Variants in NKAIN2 observed in about 807,000 individuals in gnomAD.
NKAIN2 encodes sodium/potassium transporting ATPase interacting 2, also known as sodium/potassium-transporting ATPase subunit beta-1-interacting protein 2.
In NKAIN2, 14 loss-of-function variants were observed where a neutral mutation model predicts 32.6. That is an observed-to-expected ratio of 0.43 (90% confidence interval 0.28 to 0.67). The LOEUF is 0.67. Ranked by LOEUF, NKAIN2 falls within the 30% of genes least tolerant of loss-of-function variation. The probability of loss-of-function intolerance (pLI) is 0.17; values close to 1 mark genes in which losing one functional copy is unlikely to be tolerated. For missense variants in NKAIN2, 198 were observed against 258.3 expected (o/e 0.77, Z 1.60); for synonymous variants, 80 against 87.2 (o/e 0.92, Z 0.46).
rs191070160 is a variant in NKAIN2 at position 124,137,413 on chromosome 6, T to G, written c.55-145592T>G. Among the ~76,000 whole-genome samples the G allele has an allele frequency of 1.6e-3, 248 of 152,214 alleles. 3 individuals are homozygous for G. Among genetic ancestry groups the G allele is most frequent in the South Asian group, 4.8e-3 (23 of 4,818 alleles). On this transcript the variant is annotated intron_variant, in intron 1 of 6. Transcript: ENST00000368417. ...TGATCATGGACAGGTAGAATCAATA[T>G]TGTGACAATGACCATGCTGCCAAAA...
At chr6:123,976,563 G>A (rs1235980411) in intron 1 of NKAIN2, among the ~76,000 whole-genome samples, 1 of 150,990 alleles carries the variant, frequency 6.6e-6, no homozygotes, top group African/African-American at 2.4e-5. Flanking sequence ...GATTTGGAAG[G>A]CCAGCATTTT....
chr6:124,558,605 G>A (rs1780565367), intron 3 of NKAIN2, among the ~76,000 whole-genome samples: 1 of 152,016 alleles, frequency 6.6e-6, no homozygotes, highest in Non-Finnish European at 1.5e-5. Flanking sequence ...GATGCCCTAA[G>A]AGTTGGTGGG....
intron 1 of NKAIN2, among the ~76,000 whole-genome samples, chr6:124,204,903 T>A (rs1217330071): frequency 1.3e-5 from 2 of 151,506 alleles, no homozygotes; most frequent in African/African-American, 4.8e-5. Context: ...CTTTAGGAAA[T>A]AATATTAAAG....
chr6:123,925,227 A>G (rs1445962888), intron 1 of NKAIN2, among the ~76,000 whole-genome samples: 1 of 152,182 alleles, frequency 6.6e-6, no homozygotes, highest in Non-Finnish European at 1.5e-5. Context: ...AAGAAGTAAA[A>G]TAGCTTGTGT....
chr6:123,999,085 A>T (rs1249114449), intron 1 of NKAIN2, among the ~76,000 whole-genome samples: 2 of 152,090 alleles, frequency 1.3e-5, no homozygotes, highest in Non-Finnish European at 2.9e-5. Flanking sequence ...ATTTACATGC[A>T]TAGAAATGAA....
At chr6:124,483,639 T>G (rs547615386) in intron 3 of NKAIN2, among the ~76,000 whole-genome samples, 98 of 152,262 alleles carry the variant, frequency 6.4e-4, no homozygotes, top group Non-Finnish European at 1.3e-3. Flanking sequence ...GATAAACTAT[T>G]AATACAAATA....
At chr6:123,989,640 A>G (rs986722274) in intron 1 of NKAIN2, among the ~76,000 whole-genome samples, 1 of 152,108 alleles carries the variant, frequency 6.6e-6, no homozygotes, top group Non-Finnish European at 1.5e-5. Context: ...TGCTTTGATA[A>G]TTATGCTCTT....
intron 1 of NKAIN2, among the ~76,000 whole-genome samples, chr6:123,926,240 G>T (rs978848294): frequency 6.6e-6 from 1 of 152,258 alleles, no homozygotes; most frequent in South Asian, 2.1e-4. Flanking sequence ...TTCTTCTCAG[G>T]TATGCTAATG....
intron 4 of NKAIN2, among the ~76,000 whole-genome samples, chr6:124,707,159 A>T (rs1449313618): frequency 6.6e-6 from 1 of 152,098 alleles, no homozygotes; most frequent in East Asian, 1.9e-4. Flanking sequence ...GTCCCTACAA[A>T]GGACATGAAC....
chr6:124,358,758 C>A (rs1397257576), intron 3 of NKAIN2, among the ~76,000 whole-genome samples: 1 of 151,564 alleles, frequency 6.6e-6, no homozygotes, highest in African/African-American at 2.4e-5. Context: ...TTTTGCTGTG[C>A]AGAAGCTCTT....
chr6:124,316,027 A>C (rs148979369), intron 2 of NKAIN2, among the ~76,000 whole-genome samples: 1 of 152,102 alleles, frequency 6.6e-6, no homozygotes, highest in African/African-American at 2.4e-5. Flanking sequence ...GTTCATGAGT[A>C]AAAAATACAA....
At chr6:124,549,726 T>C (rs1780221279) in intron 3 of NKAIN2, among the ~76,000 whole-genome samples, 2 of 152,206 alleles carry the variant, frequency 1.3e-5, no homozygotes, top group Admixed American at 6.5e-5. Flanking sequence ...TCAGTTATTT[T>C]GCAGAATGCT....
At chr6:123,805,079 A>G (rs769971940) in intron 1 of NKAIN2, among the ~76,000 whole-genome samples, 9 of 152,220 alleles carry the variant, frequency 5.9e-5, no homozygotes, top group Non-Finnish European at 1.2e-4. Context: ...CTGAATTTCA[A>G]TTCCCTAAGG....
intron 1 of NKAIN2, among the ~76,000 whole-genome samples, chr6:124,254,246 C>T (rs1453414722): frequency 6.6e-6 from 1 of 152,186 alleles, no homozygotes; most frequent in Non-Finnish European, 1.5e-5. Flanking sequence ...GCCACCATGC[C>T]TGGCCTAAGT....
At chr6:124,131,798 A>C (rs1786492243) in intron 1 of NKAIN2, among the ~76,000 whole-genome samples, 1 of 152,050 alleles carries the variant, frequency 6.6e-6, no homozygotes, top group Admixed American at 6.6e-5. Context: ...AGGCAACCAG[A>C]GGAATTAGGG....
intron 2 of NKAIN2, among the ~76,000 whole-genome samples, chr6:124,341,259 AACTC>A (rs1273530718): frequency 4.6e-5 from 7 of 152,200 alleles, no homozygotes; most frequent in African/African-American, 9.6e-5. Flanking sequence ...GTAGTTGAAT[AACTC>A]ACAGTAAATG....
intron 1 of NKAIN2, among the ~76,000 whole-genome samples, chr6:124,127,973 A>G (rs569299478): frequency 6.6e-6 from 1 of 152,166 alleles, no homozygotes; most frequent in African/African-American, 2.4e-5. Flanking sequence ...ATTATAGGCA[A>G]GTGCCACCAT....
intron 2 of NKAIN2, among the ~76,000 whole-genome samples, chr6:124,313,987 G>A (rs757319641): frequency 2.6e-4 from 39 of 152,008 alleles, no homozygotes; most frequent in African/African-American, 2.2e-4. Flanking sequence ...TGACATTCCC[G>A]GGGGTAGAAG....
At chr6:124,119,598 C>T (rs1009780) in intron 1 of NKAIN2, among the ~76,000 whole-genome samples, 23,639 of 152,180 alleles carry the variant, frequency 0.16, 2,364 homozygotes, top group Middle Eastern at 0.29. Context: ...GACGTATTTG[C>T]TTTGTCCTGT....
Sources: gnomAD v4.1 joint callset for allele counts (sites outside exome capture counted in the v4.1 genomes callset) on GRCh38, gnomAD v4.1.1 for gene constraint, MANE v1.5 for transcripts, NCBI Gene and HGNC (gene_info 2026-07-23, HGNC 2026-07-21) for gene names.